DNAH8: variants seen among roughly 807,000 people sequenced by gnomAD.
DNAH8 encodes the protein axonemal beta dynein heavy chain 8.
DNAH8 carries 382 observed loss-of-function variants against 562.1 expected under a neutral mutation model. That is an observed-to-expected ratio of 0.68 (90% CI 0.63 to 0.74). The LOEUF (loss-of-function observed/expected upper bound fraction) is 0.74. Among genes scored for constraint, DNAH8 ranks in the 30% least tolerant of loss-of-function variants. The pLI is 0.00. For missense variants in DNAH8, 5,203 were observed against 5,620.4 expected (o/e 0.93, Z 2.37); for synonymous variants, 1,881 against 1,919.4 (o/e 0.98, Z 0.52).
chr6:38,878,816 G>C (rs1169566204), intron 53 of DNAH8, among the ~76,000 whole-genome samples: 1 of 152,118 alleles, frequency 6.6e-6, no homozygotes, highest in Non-Finnish European at 1.5e-5. Flanking sequence ...TAACTGTGTT[G>C]TACATTTCAA....
At chr6:38,775,730 C>G (rs1190722201) in intron 12 of DNAH8, 24 bp from the exon 13 acceptor site, 2 of 1,495,164 alleles carry the variant, frequency 1.3e-6, no homozygotes, top group African/African-American at 1.4e-5. Context: ...TTTAAAAAAG[C>G]AAAATAACAT....
Position 38,792,248 on chromosome 6 carries a change from C to T in DNAH8, c.2901+574C>T, listed in dbSNP as rs548284123. Reference sequence around the variant, plus strand: ...GATTACAGGCCTGTACCAGCACACCCGGCTAATTTTTGTGTTTTTAGTAGA... The same window carrying T: ...GATTACAGGCCTGTACCAGCACACCTGGCTAATTTTTGTGTTTTTAGTAGA... On this transcript the variant is annotated intron_variant, in intron 21 of 92. Transcript: ENST00000327475. Among the ~76,000 whole-genome samples the T allele has an allele frequency of 7.2e-5, 11 of 152,154 alleles. No individual in the cohort carries two copies. In the East Asian group the frequency reaches 1.4e-3, roughly 19 times the overall value.
intron 52 of DNAH8, 82 bp downstream of exon 52, chr6:38,873,458 A>G (rs1310481311): frequency 2.4e-6 from 3 of 1,275,988 alleles, no homozygotes; most frequent in Non-Finnish European, 2.1e-6. Flanking sequence ...TCTGAAATAG[A>G]AAGTTCAGAC....
At chr6:38,879,660 C>G (rs750285506) in intron 53 of DNAH8, among the ~76,000 whole-genome samples, 1 of 152,222 alleles carries the variant, frequency 6.6e-6, no homozygotes, top group Non-Finnish European at 1.5e-5. Context: ...ACAAGGACGT[C>G]TTTCTCACCT....
intron 55 of DNAH8, 119 bp downstream of exon 55, chr6:38,883,575 G>A: frequency 8.6e-7 from 1 of 1,158,166 alleles, no homozygotes; most frequent in South Asian, 1.9e-5. Context: ...AAATCATGCT[G>A]CACTTGGCAT....
intron 11 of DNAH8, among the ~76,000 whole-genome samples, chr6:38,767,947 C>G (rs1367326710): frequency 6.6e-6 from 1 of 152,220 alleles, no homozygotes; most frequent in Non-Finnish European, 1.5e-5. Context: ...TTCTTCATCT[C>G]CTTGCCAACA....
chr6:38,868,688 T>TG (rs887178044), intron 48 of DNAH8, among the ~76,000 whole-genome samples: 3 of 151,854 alleles, frequency 2.0e-5, no homozygotes, highest in Admixed American at 6.6e-5. Context: ...TTTTTTTTTT[T>TG]CTTTGAAACA....
At position 38,722,820 on chromosome 6, in the gene DNAH8, A is replaced by C; in HGVS notation, c.11A>C (p.Asp4Ala). 1 of 1,590,866 alleles carries C rather than the reference A, an allele frequency of 6.3e-7. No homozygotes were observed. The highest frequency in any genetic ancestry group is 8.5e-7 in the Non-Finnish European group (1 of 1,169,784). MEK[D>A]AEDGAPSEGA... ...TCCGCACGACGGGGGATGGAGAAGG[A>C]TGCTGAAGATGGCGCCCCTTCTGAG... is the stretch of plus-strand genomic sequence containing the variant. Residue 4 changes from aspartate to alanine, a missense_variant, in exon 2 of 93, where the codon GAT becomes GCT. Asp to Ala is a moderately radical substitution (Grantham distance 126). This residue lies in a region of DNAH8 where 556 missense variants were observed against 496.9 expected (regional missense o/e 1.12). Transcript: ENST00000327475.
intron 73 of DNAH8, 129 bp from the exon 74 acceptor site, chr6:38,925,926 A>G (rs1782080346): frequency 5.9e-6 from 5 of 851,492 alleles, no homozygotes; most frequent in East Asian, 2.8e-5. Flanking sequence ...TTTTCGAAGT[A>G]CAAGTTGCAT....
chr6:39,019,035 G>A (rs551480544), intron 91 of DNAH8, among the ~76,000 whole-genome samples: 74 of 152,240 alleles, frequency 4.9e-4, no homozygotes, highest in African/African-American at 1.7e-3. Context: ...GTAGGTATAA[G>A]AATAAAAAGT....
chr6:39,017,676 G>C (rs1766652200), intron 91 of DNAH8, among the ~76,000 whole-genome samples: 1 of 152,170 alleles, frequency 6.6e-6, no homozygotes. Context: ...AGCCATGCCA[G>C]TCAGTTGTGT....
intron 63 of DNAH8, 134 bp downstream of exon 63, chr6:38,906,541 T>G: frequency 2.9e-6 from 2 of 689,766 alleles, no homozygotes; most frequent in Non-Finnish European, 4.3e-6. Context: ...TGTACGAGAT[T>G]TAGCAGATTT....
intron 15 of DNAH8, 48 bp from the exon 16 acceptor site, chr6:38,781,206 T>G: frequency 6.2e-7 from 1 of 1,606,026 alleles, no homozygotes; most frequent in African/African-American, 1.3e-5. Flanking sequence ...TTTTTTGCCT[T>G]CTCCCTTGTA....
intron 85 of DNAH8, among the ~76,000 whole-genome samples, chr6:38,982,001 GT>G (rs1764069621): frequency 6.6e-6 from 1 of 152,050 alleles, no homozygotes; most frequent in Admixed American, 6.6e-5. Context: ...ACCTACCATT[GT>G]GTTACAGTTG....
Position 38,929,656 on chromosome 6 carries a change from C to G in DNAH8, c.11264C>G (p.Thr3755Ser), listed in dbSNP as rs777797977. The G allele has an allele frequency of 3.9e-6, 6 of 1,545,744 alleles. No homozygotes were observed. The highest frequency in any genetic ancestry group is 5.2e-6 in the Non-Finnish European group (6 of 1,149,886). ...VLEKNFIKSG[T>S]TFKVKVGDKE... is the part of the protein sequence containing the mutation. Reference sequence around the variant, plus strand: ...GAAAAGAATTTTATTAAATCTGGCACCACTTTCAAGGTGAGCTTTGTAAAA... The same window carrying G: ...GAAAAGAATTTTATTAAATCTGGCAGCACTTTCAAGGTGAGCTTTGTAAAA... The change falls in exon 75 of 93, where the codon ACC (threonine) becomes AGC (serine). Residue 3755 changes from threonine to serine, a missense_variant. Around this residue, in one of 6 missense-constraint regions of DNAH8, gnomAD observed 1,399 missense variants for 1,518.4 expected, o/e 0.92. Transcript: ENST00000327475.
intron 41 of DNAH8, among the ~76,000 whole-genome samples, chr6:38,855,199 TG>T (rs1399920153): frequency 1.3e-5 from 2 of 152,044 alleles, no homozygotes; most frequent in Non-Finnish European, 2.9e-5. Context: ...TTTTAAAACA[TG>T]TTTTAATTGT....
chr6:38,816,989 T>C (rs1350103169), intron 26 of DNAH8, among the ~76,000 whole-genome samples: 1 of 152,176 alleles, frequency 6.6e-6, no homozygotes, highest in Non-Finnish European at 1.5e-5. Context: ...GTTGAGAAAC[T>C]GGTCTCAAAA....
At chr6:38,989,555 T>C (rs1210827588) in intron 87 of DNAH8, among the ~76,000 whole-genome samples, 3 of 152,218 alleles carry the variant, frequency 2.0e-5, no homozygotes, top group African/African-American at 7.2e-5. Flanking sequence ...GGCCGTGTGC[T>C]GGGGCTCATT....
intron 18 of DNAH8, among the ~76,000 whole-genome samples, chr6:38,788,934 T>C (rs1443830820): frequency 2.6e-5 from 4 of 152,232 alleles, no homozygotes; most frequent in African/African-American, 9.6e-5. Context: ...AATTGTCTTT[T>C]TTTTGAAAAA....
Sources: allele counts gnomAD v4.1 joint callset (sites outside exome capture counted in the v4.1 genomes callset), GRCh38; gene constraint gnomAD v4.1.1; regional missense constraint gnomAD v4.1.1; transcripts MANE v1.5; gene names NCBI Gene and HGNC (gene_info 2026-07-23, HGNC 2026-07-21).